The following ALG9 variants were observed in gnomAD, a reference collection of about 807,000 sequenced individuals.
ALG9 encodes the protein alpha-1,2-mannosyltransferase ALG9.
ALG9 carries 55 observed loss-of-function variants against 81.8 expected under a neutral mutation model. The ratio of observed to expected loss-of-function variants is 0.67; its 90% CI spans 0.54 to 0.84. ALG9 has a LOEUF of 0.84. Among genes scored for constraint, ALG9 ranks in the 40% least tolerant of loss-of-function variants. The probability of loss-of-function intolerance (pLI) is 0.00; values close to 1 mark genes in which losing one functional copy is unlikely to be tolerated. For synonymous variants in ALG9, 278 were observed against 274.3 expected (o/e 1.01, Z -0.13); for missense variants, 629 against 745.0 (o/e 0.84, Z 1.81).
rs1946154125 is a variant in ALG9, at chr11:111,783,653, T to C, written c.*2744A>G. ...TTTTCCCAGGCAAAGCTATCCTTCC[T>C]ATACTAAAAAGTGATGGAGATTTTT... is the stretch of plus-strand genomic sequence containing the variant. On this transcript the variant is annotated 3_prime_UTR_variant, in exon 15 of 15. Coordinates refer to ENST00000616540, the MANE Select transcript of ALG9 (RefSeq NM_024740.2). The C allele has an allele frequency of 6.6e-6, 1 of 152,150 alleles. No homozygotes were observed. The highest frequency in any genetic ancestry group is 6.5e-5 in the Admixed American group (1 of 15,276). 9.4% of individuals were successfully genotyped at this position (152,150 alleles called of 1,614,324 possible).
At chr11:111,819,166 T>TG (rs1225466590) in intron 13 of ALG9, among the ~76,000 whole-genome samples, 2 of 152,254 alleles carry the variant, frequency 1.3e-5, no homozygotes, top group Non-Finnish European at 2.9e-5. Context: ...GAATGCCATG[T>TG]GGGGACAAGG....
intron 14 of ALG9, among the ~76,000 whole-genome samples, chr11:111,787,102 A>G (rs1410688771): frequency 6.6e-6 from 1 of 152,208 alleles, no homozygotes; most frequent in Non-Finnish European, 1.5e-5. Context: ...ATTTCTCATG[A>G]ATTTCTGAAG....
intron 3 of ALG9, among the ~76,000 whole-genome samples, chr11:111,867,828 GGCTTCTTT>G (rs1159603433): frequency 6.6e-6 from 1 of 152,116 alleles, no homozygotes; most frequent in Non-Finnish European, 1.5e-5. Flanking sequence ...TGTTTTAGCT[GGCTTCTTT>G]TGATACTACT....
chr11:111,799,538 A>G (rs781823377), intron 14 of ALG9, among the ~76,000 whole-genome samples: 1 of 151,830 alleles, frequency 6.6e-6, no homozygotes, highest in Non-Finnish European at 1.5e-5. Context: ...CTGAGGCCCA[A>G]TCTAGGCCAC....
chr11:111,795,478 T>C (rs1948124570), intron 14 of ALG9, among the ~76,000 whole-genome samples: 1 of 152,190 alleles, frequency 6.6e-6, no homozygotes, highest in African/African-American at 2.4e-5. Context: ...GGTCCCATAA[T>C]TGTATAATGG....
At chr11:111,841,481 G>C (rs369482704) in intron 9 of ALG9, among the ~76,000 whole-genome samples, 1 of 152,192 alleles carries the variant, frequency 6.6e-6, no homozygotes, top group East Asian at 1.9e-4. Flanking sequence ...AAGAATTAAA[G>C]GAATGTAATG....
At chr11:111,797,509 C>T (rs1320332694) in intron 14 of ALG9, among the ~76,000 whole-genome samples, 2 of 152,178 alleles carry the variant, frequency 1.3e-5, no homozygotes, top group Non-Finnish European at 2.9e-5. Flanking sequence ...CCATCAACTC[C>T]CAGAACCACG....
chr11:111,794,696 C>T (rs1314418548), intron 14 of ALG9, among the ~76,000 whole-genome samples: 1 of 152,132 alleles, frequency 6.6e-6, no homozygotes, highest in Non-Finnish European at 1.5e-5. Context: ...ACCCATCCAT[C>T]CAAGCATTAA....
At chr11:111,820,364 T>A (rs1952130285) in intron 13 of ALG9, among the ~76,000 whole-genome samples, 1 of 152,096 alleles carries the variant, frequency 6.6e-6, no homozygotes, top group Admixed American at 6.5e-5. Flanking sequence ...AGGGCCTTCT[T>A]ACTGTGCCAT....
rs1382432212 is a variant in ALG9, at chr11:111,782,442, C to A, written c.*3955G>T. On this transcript the variant is annotated 3_prime_UTR_variant, in exon 15 of 15. Coordinates refer to ENST00000616540, the MANE Select transcript of ALG9 (RefSeq NM_024740.2). ...GCCTCTGAAATCCAACGATGCCATA[C>A]GGAAGTCTGATCTTTCTGTTGCAAA... 1 of 152,566 alleles carries A rather than the reference C, an allele frequency of 6.6e-6. No individual in the cohort carries two copies. Among genetic ancestry groups the A allele is most frequent in the Non-Finnish European group, 1.5e-5 (1 of 68,036 alleles). The allele number at this position is 152,566 out of a possible 1,614,324, so 9.5% of individuals were successfully genotyped here.
intron 4 of ALG9, among the ~76,000 whole-genome samples, chr11:111,862,165 C>T (rs1960400959): frequency 2.0e-5 from 3 of 151,878 alleles, no homozygotes; most frequent in Admixed American, 1.3e-4. Flanking sequence ...TCTCCGCATT[C>T]TATCATCTCC....
At chr11:111,865,606 A>C (rs531444719) in intron 3 of ALG9, among the ~76,000 whole-genome samples, 8 of 152,396 alleles carry the variant, frequency 5.2e-5, no homozygotes, top group African/African-American at 1.7e-4. Context: ...TATGTTTACA[A>C]AGATAGTGAA....
chr11:111,829,086 C>G (rs1223932549), intron 13 of ALG9: 4 of 152,132 alleles, frequency 2.6e-5, no homozygotes, highest in Non-Finnish European at 5.9e-5. Flanking sequence ...AATTTATTCT[C>G]TCAATTTTAT....
the ALG9 span, chr11:111,771,479 T>G: frequency 6.6e-6 from 1 of 152,246 alleles, no homozygotes; most frequent in Admixed American, 6.5e-5. Flanking sequence ...TTACTAAACT[T>G]GCGTCTCCCT....
intron 13 of ALG9, among the ~76,000 whole-genome samples, chr11:111,817,741 T>TGAAGAAAGAA (rs1421629917): frequency 2.0e-5 from 3 of 151,590 alleles, no homozygotes; most frequent in African/African-American, 7.3e-5. Flanking sequence ...GCAGTGGGAA[T>TGAAGAAAGAA]GAAGAAAGAA....
intron 8 of ALG9, among the ~76,000 whole-genome samples, chr11:111,848,504 T>G (rs1428402604): frequency 1.0e-4 from 15 of 150,428 alleles, no homozygotes. Flanking sequence ...GCAAGAGAAT[T>G]GCTTGAATCC....
In ALG9 at chr11:111,837,534, C is replaced by G. The variant is rs782185107; in HGVS notation, c.1406G>C (p.Arg469Thr). ...DPTIHTVPEGRPVNVCVGKEW... is the reference protein window; with the variant it reads ...DPTIHTVPEGTPVNVCVGKEW... The stretch of plus-strand genomic sequence containing the variant: ...TTTTCCCACACAGACATTCACAGGT[C>G]TGCCTTCTGGGACAGTGTGGATGGT... Residue 469 changes from arginine (R) to threonine (T), a missense_variant, in exon 12 of 15, where the codon AGA (arginine) becomes ACA (threonine). By Grantham distance (71) the Arg-to-Thr change is moderately conservative. Around this residue, in one of 3 missense-constraint regions of ALG9, gnomAD observed 264 missense variants for 302.2 expected, o/e 0.87. Transcript: ENST00000616540. 1 of 1,614,076 alleles carries G rather than the reference C, an allele frequency of 6.2e-7. No individual in the cohort carries two copies. Among genetic ancestry groups the G allele is most frequent in the South Asian group, 1.1e-5 (1 of 91,070 alleles).
At position 111,851,116 on chromosome 11, in the gene ALG9, A is replaced by G. The variant is rs547242927; in HGVS notation, c.895+2264T>C. Among the ~76,000 whole-genome samples the G allele has an allele frequency of 5.8e-4, 88 of 152,260 alleles. 1 individual carries two copies. In the South Asian group the frequency reaches 6.4e-3, roughly 11 times the overall value. On this transcript the variant is annotated intron_variant, in intron 8 of 14. Coordinates refer to ENST00000616540, the MANE Select transcript of ALG9 (RefSeq NM_024740.2). ...CTGACTGACCCACTGTTAAATTAGC[A>G]CCGTAAACTTAAATCAGAATTTATT...
chr11:111,780,900 C>T (rs958377222), downstream of ALG9, among the ~76,000 whole-genome samples: 3 of 152,060 alleles, frequency 2.0e-5, no homozygotes, highest in African/African-American at 2.4e-5. Flanking sequence ...AATGGCCTTG[C>T]GAGACAGGGT....
Sources: allele counts gnomAD v4.1 joint callset (sites outside exome capture counted in the v4.1 genomes callset), GRCh38; gene constraint gnomAD v4.1.1; regional missense constraint gnomAD v4.1.1; transcripts MANE v1.5; gene names NCBI Gene and HGNC (gene_info 2026-07-23, HGNC 2026-07-21).